SRBD1: variants seen among roughly 807,000 people sequenced by gnomAD.
The protein encoded by SRBD1 is S1 RNA-binding domain-containing protein 1.
A neutral mutation model predicts 115.3 loss-of-function variants in SRBD1; 88 were observed. The ratio of observed to expected loss-of-function variants is 0.76; its 90% CI spans 0.64 to 0.91. The LOEUF is 0.91. Ranked by LOEUF, SRBD1 falls within the 40% of genes least tolerant of loss-of-function variation. The pLI is 0.00. For missense variants in SRBD1, 1,385 were observed against 1,177.4 expected, an observed-to-expected ratio of 1.18 and a Z score of -2.58; for synonymous variants, 509 against 407.7, an observed-to-expected ratio of 1.25 and a Z score of -2.99.
At chr2:45,592,223 A>G (rs1419521063) in intron 4 of SRBD1, among the ~76,000 whole-genome samples, 3 of 152,082 alleles carry the variant, frequency 2.0e-5, no homozygotes, top group Non-Finnish European at 4.4e-5. Flanking sequence ...TTTTCTTCCC[A>G]GTCTTGGGTA....
At chr2:45,534,766 C>T (rs574953789) in intron 14 of SRBD1, among the ~76,000 whole-genome samples, 12 of 152,020 alleles carry the variant, frequency 7.9e-5, no homozygotes, top group Admixed American at 3.9e-4. Context: ...AACTTCATAA[C>T]ATTATGAACT....
At chr2:45,499,277 T>A (rs1230302335) in intron 14 of SRBD1, among the ~76,000 whole-genome samples, 2 of 152,148 alleles carry the variant, frequency 1.3e-5, no homozygotes, top group Admixed American at 6.6e-5. Flanking sequence ...ATATATCTAG[T>A]GGTTATCTGT....
chr2:45,480,703 T>A (rs1341041172), intron 15 of SRBD1, among the ~76,000 whole-genome samples: 1 of 152,184 alleles, frequency 6.6e-6, no homozygotes, highest in Non-Finnish European at 1.5e-5. Flanking sequence ...ATAAACTTCA[T>A]TGATAAAGCA....
intron 14 of SRBD1, among the ~76,000 whole-genome samples, chr2:45,495,522 A>G (rs1670428753): frequency 6.6e-6 from 1 of 151,950 alleles, no homozygotes; most frequent in Non-Finnish European, 1.5e-5. Context: ...TTCTCTTTCA[A>G]AATCCCTCTT....
chr2:45,451,452 A>G (rs1668990309), intron 16 of SRBD1, among the ~76,000 whole-genome samples: 1 of 152,044 alleles, frequency 6.6e-6, no homozygotes, highest in Non-Finnish European at 1.5e-5. Context: ...TATACAATAA[A>G]CTGATATTAA....
chr2:45,605,397 C>T lies in SRBD1; in HGVS notation c.45G>A (p.Val15=). ...ATGAAGAAAATTCATCTTTCAGTACCACATCCTGGACCTGTACTTTCGCTC... is the reference window on the plus strand; with the variant it reads ...ATGAAGAAAATTCATCTTTCAGTACTACATCCTGGACCTGTACTTTCGCTC... ...PRRAKVQVQD[V]VLKDEFSSFS... is the part of the protein sequence containing the mutation. Residue 15 remains valine, a synonymous_variant, in exon 2 of 21, where the codon GTG becomes GTA. Transcript: ENST00000263736. 6.2e-7 allele frequency: 1 copy of T among 1,613,684 alleles called. No homozygotes were observed. Among genetic ancestry groups the T allele is most frequent in the Non-Finnish European group, 8.5e-7 (1 of 1,179,952 alleles).
intron 16 of SRBD1, among the ~76,000 whole-genome samples, chr2:45,470,287 C>T (rs1007021651): frequency 2.6e-5 from 4 of 152,056 alleles, no homozygotes; most frequent in Admixed American, 6.6e-5. Context: ...AAAGAAAATG[C>T]AAATTCCCAC....
rs772967311 is a variant in SRBD1 at position 45,602,019 on chromosome 2, T to C, written c.145A>G (p.Arg49Gly). The change falls in exon 3 of 21, where the codon AGA (arginine) becomes GGA (glycine). Residue 49 changes from arginine (R) to glycine (G), a missense_variant. Transcript: ENST00000263736. Reference protein sequence around the residue: ...SAWEPQKKVPRSRKQPPPKES... With the variant: ...SAWEPQKKVPGSRKQPPPKES... ...TTGGGAGGGGGCTGTTTACGGCTTC[T>C]GGGAACTTTCTTTTGGGGCTCCCAG... The C allele has an allele frequency of 6.2e-7, 1 of 1,614,228 alleles. No individual in the cohort carries two copies. The highest frequency in any genetic ancestry group is 8.5e-7 in the Non-Finnish European group (1 of 1,180,034).
chr2:45,489,053 T>C (rs1670210923), intron 14 of SRBD1, among the ~76,000 whole-genome samples: 1 of 152,254 alleles, frequency 6.6e-6, no homozygotes, highest in East Asian at 1.9e-4. Flanking sequence ...CCAAATACCA[T>C]ACAACCCACA....
In SRBD1 at chr2:45,500,424, T is replaced by C. The variant is rs556902696; in HGVS notation, c.1875-12093A>G. 1.6e-4 allele frequency among the ~76,000 whole-genome samples: 23 copies of C among 147,782 alleles called. No homozygotes were observed. The East Asian group carries it at 2.7e-3, about 17-fold the overall frequency. On this transcript the variant is annotated intron_variant, in intron 14 of 20. Transcript: ENST00000263736. ...TTGCTGCTAGTATATATAAACAATA[T>C]TGATTTTTTTTTTTTTAAGACAAGG...
At chr2:45,472,361 G>A (rs1477576338) in intron 16 of SRBD1, among the ~76,000 whole-genome samples, 1 of 152,170 alleles carries the variant, frequency 6.6e-6, no homozygotes, top group East Asian at 1.9e-4. Context: ...TCTTTTTGGG[G>A]TGATAAAAAT....
intron 19 of SRBD1, among the ~76,000 whole-genome samples, chr2:45,412,089 G>A (rs1667620278): frequency 1.3e-5 from 2 of 152,100 alleles, no homozygotes; most frequent in South Asian, 4.1e-4. Flanking sequence ...CTGGGTGACA[G>A]AGAGATCTTG....
intron 16 of SRBD1, among the ~76,000 whole-genome samples, chr2:45,438,730 T>C (rs770030788): frequency 1.1e-4 from 17 of 152,042 alleles, no homozygotes; most frequent in Non-Finnish European, 1.9e-4. Flanking sequence ...AGAACCTTAA[T>C]GAACTGTGGG....
intron 9 of SRBD1, chr2:45,567,843 G>T (rs934244487): frequency 6.6e-6 from 1 of 152,102 alleles, no homozygotes; most frequent in Non-Finnish European, 1.5e-5. Flanking sequence ...ATTTAATTCC[G>T]ATTTACATAA....
At chr2:45,598,136 C>T (rs959374652) in intron 4 of SRBD1, among the ~76,000 whole-genome samples, 4 of 152,144 alleles carry the variant, frequency 2.6e-5, no homozygotes, top group Non-Finnish European at 5.9e-5. Context: ...ATGGACCACA[C>T]TTTAAAACAC....
chr2:45,525,635 A>C (rs1325856326), intron 14 of SRBD1, among the ~76,000 whole-genome samples: 1 of 152,046 alleles, frequency 6.6e-6, no homozygotes, highest in African/African-American at 2.4e-5. Flanking sequence ...GACGTTAATT[A>C]GCTCCATTTA....
chr2:45,598,909 A>G (rs1673992775), intron 4 of SRBD1, among the ~76,000 whole-genome samples: 1 of 152,162 alleles, frequency 6.6e-6, no homozygotes, highest in South Asian at 2.1e-4. Flanking sequence ...GGTCTCCAAT[A>G]CTGTCCCCAA....
intron 10 of SRBD1, among the ~76,000 whole-genome samples, chr2:45,558,659 T>C (rs1291714244): frequency 6.6e-6 from 1 of 151,734 alleles, no homozygotes; most frequent in Non-Finnish European, 1.5e-5. Context: ...CTATATCATC[T>C]ACCTTATTGT....
intron 19 of SRBD1, among the ~76,000 whole-genome samples, chr2:45,411,512 T>C (rs1227361574): frequency 6.6e-6 from 1 of 151,924 alleles, no homozygotes; most frequent in Non-Finnish European, 1.5e-5. Context: ...TAACCTTTGG[T>C]AGAAAAAAAT....
Sources: gnomAD v4.1 joint callset for allele counts (sites outside exome capture counted in the v4.1 genomes callset) on GRCh38, gnomAD v4.1.1 for gene constraint, MANE v1.5 for transcripts, NCBI Gene and HGNC (gene_info 2026-07-23, HGNC 2026-07-21) for gene names.